GGT6: variants seen among roughly 807,000 people sequenced by gnomAD.
GGT6 encodes gamma-glutamyltransferase 6.
Under a neutral mutation model 17.0 loss-of-function variants are expected in GGT6, and 13 were observed. The observed-to-expected ratio is 0.77, with a 90% confidence interval of 0.50 to 1.22. The LOEUF (loss-of-function observed/expected upper bound fraction) is 1.22. Among genes scored for constraint, GGT6 ranks in the 50% most tolerant of loss-of-function variants. The probability of loss-of-function intolerance (pLI) is 0.00; values close to 1 mark genes in which losing one functional copy is unlikely to be tolerated. For missense variants in GGT6, 628 were observed against 643.7 expected, an observed-to-expected ratio of 0.98 and a Z score of 0.26; for synonymous variants, 305 against 297.9, an observed-to-expected ratio of 1.02 and a Z score of -0.25.
chr17:4,558,165 G>A lies in GGT6; in HGVS notation c.1350C>T (p.Thr450=). The A allele has an allele frequency of 7.4e-6, 12 of 1,613,992 alleles. No individual in the cohort carries two copies. Among genetic ancestry groups the A allele is most frequent in the Non-Finnish European group, 1.0e-5 (12 of 1,179,894 alleles). Residue 450 remains threonine, a synonymous_variant, in exon 4 of 4, where the codon ACC becomes ACT. Transcript: ENST00000381550. Reference sequence around the variant, plus strand: ...GACCCTGATGCTGGTGCTGGGCCTGGGTAGGGGGCCTTGCTGCCAGATGCC... The same window carrying A: ...GACCCTGATGCTGGTGCTGGGCCTGAGTAGGGGGCCTTGCTGCCAGATGCC... The part of the protein sequence containing the change: ...LLRHLAARPP[T]QAQHQHQGQQ...
chr17:4,560,348 G>T, intron 1 of GGT6, 34 bp downstream of exon 1: 1 of 1,613,204 alleles, frequency 6.2e-7, no homozygotes. Context: ...CTCAAGCCTG[G>T]GGAGCCTGGT....
At chr17:4,556,569 T>C (rs1908143866), downstream of GGT6, among the ~76,000 whole-genome samples, 2 of 152,172 alleles carry the variant, frequency 1.3e-5, no homozygotes, top group East Asian at 1.9e-4. Context: ...AAGCTGTTTA[T>C]AGAGGGCTGT....
intron 1 of GGT6, 163 bp from the exon 2 acceptor site, chr17:4,559,923 T>C (rs1348109138): frequency 1.5e-6 from 1 of 647,006 alleles, no homozygotes; most frequent in Non-Finnish European, 2.7e-6. Flanking sequence ...TGGGCAGACA[T>C]GGGGATGGGA....
In GGT6 at chr17:4,558,991, G is replaced by A. The variant is rs1461818987; in HGVS notation, c.524C>T (p.Pro175Leu). The A allele has an allele frequency of 1.9e-6, 3 of 1,545,806 alleles. No individual in the cohort carries two copies. The highest frequency in any genetic ancestry group is 1.4e-5 in the African/African-American group (1 of 73,152). The change falls in exon 4 of 4, where the codon CCA becomes CTA. Residue 175 changes from proline to leucine, a missense_variant. Pro to Leu is a moderately conservative substitution (Grantham distance 98, BLOSUM62 -3). Coordinates refer to ENST00000381550, the MANE Select transcript of GGT6 (RefSeq NM_001288702.2). ...SGNSTALTSG[P>L]AQTLAPGLGL... ...CAGGCCGGGGGCCAGGGTCTGTGCT[G>A]GGCCTGATGTCAGGGCCGTGGAATT...
chr17:4,557,810 C>T lies in GGT6; in HGVS notation c.*205G>A, dbSNP rs1908271151. 3 of 495,078 alleles carry T rather than the reference C, an allele frequency of 6.1e-6. No homozygotes were observed. The highest frequency in any genetic ancestry group is 1.1e-5 in the Non-Finnish European group (3 of 282,406). The allele number at this position is 495,078 out of a possible 1,614,324, so 30.7% of individuals were successfully genotyped here. ...CTGGCAAATTTTTAAATTTTTAGTA[C>T]AGATGAGATCTTGCTTTGTTGTCTA... On this transcript the variant is annotated 3_prime_UTR_variant, in exon 4 of 4. Transcript: ENST00000381550.
chr17:4,559,127 CT>C, intron 3 of GGT6, 70 bp from the exon 4 acceptor site: 19 of 1,521,202 alleles, frequency 1.2e-5, no homozygotes, highest in Non-Finnish European at 1.7e-5. Flanking sequence ...GTCAAGATCC[CT>C]TGACTGAGCC....
At chr17:4,556,753 G>A (rs1373852290), downstream of GGT6, among the ~76,000 whole-genome samples, 2 of 151,978 alleles carry the variant, frequency 1.3e-5, no homozygotes, top group African/African-American at 2.4e-5. Flanking sequence ...CATTCACCTT[G>A]CACATCTGGT....
Position 4,559,548 on chromosome 17 carries a change from A to G in GGT6, c.343+10T>C, listed in dbSNP as rs1167669012. On this transcript the variant is annotated intron_variant, in intron 2 of 3. Transcript: ENST00000381550. Reference sequence around the variant, plus strand: ...CTCCCCTCCCCAAGCCGCCCCCAGCACTGACTGACCTGCAGGGCTGATGAT... The same window carrying G: ...CTCCCCTCCCCAAGCCGCCCCCAGCGCTGACTGACCTGCAGGGCTGATGAT... 2 of 1,612,632 alleles carry G rather than the reference A, an allele frequency of 1.2e-6. No homozygotes were observed. Among genetic ancestry groups the G allele is most frequent in the African/African-American group, 2.7e-5 (2 of 74,902 alleles).
At position 4,557,781 on chromosome 17, in the gene GGT6, G is replaced by A. The variant is rs138940320; in HGVS notation, c.*234C>T. On this transcript the variant is annotated 3_prime_UTR_variant, in exon 4 of 4. Coordinates refer to ENST00000381550, the MANE Select transcript of GGT6 (RefSeq NM_001288702.2). ...GCTGGGACAACAGGCATGTGCCACC[G>A]CCCCTGGCAAATTTTTAAATTTTTA... 5,156 of 439,442 alleles carry A rather than the reference G, an allele frequency of 0.012. 56 individuals are homozygous for A. Among genetic ancestry groups the A allele is most frequent in the Non-Finnish European group, 0.016 (3,853 of 247,592 alleles). 27.2% of individuals were successfully genotyped at this position (439,442 alleles called of 1,614,324 possible).
chr17:4,558,597 C>G lies in GGT6; in HGVS notation c.918G>C (p.Gln306His), dbSNP rs143789021. The G allele has an allele frequency of 6.8e-5, 106 of 1,562,898 alleles. No individual in the cohort carries two copies. The Middle Eastern group carries it at 1.7e-3, about 25-fold the overall frequency. ...ACAGGATGCCCTGGGGCACAGGTAGCTGCTCTGCTGGTTCCAAAGTGGGCC... is the reference window on the plus strand; with the variant it reads ...ACAGGATGCCCTGGGGCACAGGTAGGTGCTCTGCTGGTTCCAAAGTGGGCC... ...VPRPTLEPAE[Q>H]LPVPQGILFT... The change falls in exon 4 of 4, where the codon CAG (glutamine) becomes CAC (histidine). Residue 306 changes from glutamine to histidine, a missense_variant. Coordinates refer to ENST00000381550, the MANE Select transcript of GGT6 (RefSeq NM_001288702.2).
At position 4,559,444 on chromosome 17, in the gene GGT6, T is replaced by A; in HGVS notation, c.356A>T (p.His119Leu). 6.4e-7 allele frequency: 1 copy of A among 1,552,872 alleles called. No individual in the cohort carries two copies. Among genetic ancestry groups the A allele is most frequent in the South Asian group, 1.2e-5 (1 of 84,298 alleles). Reference sequence around the variant, plus strand: ...GGCAACAAGCAGCTCTCGGCCTAGGTGGGAGCATGTGGCTGCAGCAAGGAA... The same window carrying A: ...GGCAACAAGCAGCTCTCGGCCTAGGAGGGAGCATGTGGCTGCAGCAAGGAA... ...AIISPAATCSHLGRELLVAGG... is the reference protein window; with the variant it reads ...AIISPAATCSLLGRELLVAGG... The change falls in exon 3 of 4, where the codon CAC becomes CTC. Residue 119 changes from histidine to leucine, a missense_variant. Coordinates refer to ENST00000381550, the MANE Select transcript of GGT6 (RefSeq NM_001288702.2).
rs200129000 is a variant in GGT6, at chr17:4,558,096, G to A, written c.1419C>T (p.Thr473=). 6.2e-7 allele frequency: 1 copy of A among 1,608,746 alleles called. No homozygotes were observed. The highest frequency in any genetic ancestry group is 8.5e-7 in the Non-Finnish European group (1 of 1,176,920). ...TEHPSTCGQG[T]LLQVAAHTEH... ...CTGTGTGGGCTGCCACCTGGAGCAG[G>A]GTCCCTTGGCCACAAGTGCTGGGAT... The change falls in exon 4 of 4, where the codon ACC becomes ACT. Residue 473 remains threonine (T), a synonymous_variant. Transcript: ENST00000381550.
Position 4,558,487 on chromosome 17 carries a change from G to C in GGT6, c.1028C>G (p.Pro343Arg). The C allele has an allele frequency of 6.2e-7, 1 of 1,608,104 alleles. No individual in the cohort carries two copies. The highest frequency in any genetic ancestry group is 8.5e-7 in the Non-Finnish European group (1 of 1,178,710). ...AGCAGTCTGCAGGAACGGTGGGCAG[G>C]GGTCAGGGATGGGCGCCCCGGAGCG... Reference protein sequence around the residue: ...ALRSGAPIPDPCPPFLQTAVS... With the variant: ...ALRSGAPIPDRCPPFLQTAVS... Residue 343 changes from proline (P) to arginine (R), a missense_variant, in exon 4 of 4, where the codon CCC becomes CGC. Physicochemically the swap from Pro to Arg is moderately radical, Grantham distance 103. Coordinates refer to ENST00000381550, the MANE Select transcript of GGT6 (RefSeq NM_001288702.2).
At chr17:4,556,879 GT>G (rs1304611161), downstream of GGT6, 4 of 152,280 alleles carry the variant, frequency 2.6e-5, no homozygotes, top group Admixed American at 2.6e-4. Flanking sequence ...CCTGACTCCA[GT>G]TGCTTCAAAA....
chr17:4,559,187 C>G, intron 3 of GGT6, 130 bp from the exon 4 acceptor site: 14 of 1,313,908 alleles, frequency 1.1e-5, no homozygotes, highest in Non-Finnish European at 1.5e-5. Flanking sequence ...TCCACAGACC[C>G]GGGCTCAAGG....
In GGT6 at chr17:4,557,450, A is replaced by G. The variant is rs1908242050; in HGVS notation, c.*565T>C. 1 of 150,478 alleles carries G rather than the reference A, an allele frequency of 6.6e-6. No homozygotes were observed. Among genetic ancestry groups the G allele is most frequent in the Admixed American group, 6.7e-5 (1 of 14,962 alleles). 9.3% of individuals were successfully genotyped at this position (150,478 alleles called of 1,614,324 possible). A position where few individuals can be genotyped will look rare whatever the true frequency, so the allele number is the denominator to read the frequency against. On this transcript the variant is annotated 3_prime_UTR_variant, in exon 4 of 4. Transcript: ENST00000381550. ...TGCCTCAGCCTCCCAAGTAGCTGGG[A>G]TTACAGGTGCCCGCCACCATGCCCA...
At chr17:4,559,478 C>A in intron 2 of GGT6, 22 bp from the exon 3 acceptor site, 1 of 1,564,692 alleles carries the variant, frequency 6.4e-7, no homozygotes. Context: ...AAGGCACTGT[C>A]ATGCAGCAAG....
Position 4,559,334 on chromosome 17 carries a change from G to A in GGT6, c.457+9C>T, listed in dbSNP as rs968084755. 10 of 1,540,902 alleles carry A rather than the reference G, an allele frequency of 6.5e-6. No homozygotes were observed. The South Asian group carries it at 1.1e-4, about 17-fold the overall frequency. ...TTGGGGTTGCAGTCTGGGGTCAGGG[G>A]TCACTGACCTAGCCCCGTGGCATGA... On this transcript the variant is annotated intron_variant, in intron 3 of 3. Coordinates refer to ENST00000381550, the MANE Select transcript of GGT6 (RefSeq NM_001288702.2).
At chr17:4,556,230 A>C (rs574111773), downstream of GGT6, among the ~76,000 whole-genome samples, 2 of 152,246 alleles carry the variant, frequency 1.3e-5, no homozygotes, top group Non-Finnish European at 2.9e-5. Flanking sequence ...TGGGGGATGG[A>C]CTGTAGGTCT....
Sources: allele counts gnomAD v4.1 joint callset (sites outside exome capture counted in the v4.1 genomes callset), GRCh38; gene constraint gnomAD v4.1.1; transcripts MANE v1.5; gene names NCBI Gene and HGNC (gene_info 2026-07-23, HGNC 2026-07-21).